The following EIF4G3 variants were observed in gnomAD, a reference collection of about 807,000 sequenced individuals.
EIF4G3 encodes eIF-4-gamma 3.
In EIF4G3, 34 loss-of-function variants were observed where a neutral mutation model predicts 186.4. That is an observed-to-expected ratio of 0.18 (90% confidence interval 0.14 to 0.24). The LOEUF (loss-of-function observed/expected upper bound fraction) is 0.24. Among genes scored for constraint, EIF4G3 ranks in the 10% least tolerant of loss-of-function variants. EIF4G3 has a pLI of 1.00. For synonymous variants in EIF4G3, 673 were observed against 679.5 expected (o/e 0.99, Z 0.15); for missense variants, 1,536 against 1,948.5 (o/e 0.79, Z 3.99).
At chr1:21,052,184 T>C (rs1484885845) in intron 3 of EIF4G3, among the ~76,000 whole-genome samples, 1 of 152,190 alleles carries the variant, frequency 6.6e-6, no homozygotes, top group Non-Finnish European at 1.5e-5. Flanking sequence ...AGGCAATAAA[T>C]TGCTCATCAG....
chr1:21,008,531 G>A (rs990958796), intron 4 of EIF4G3, among the ~76,000 whole-genome samples: 5 of 152,060 alleles, frequency 3.3e-5, no homozygotes, highest in Admixed American at 2.6e-4. Context: ...TACAGATGGG[G>A]TTTCATCATG....
intron 2 of EIF4G3, among the ~76,000 whole-genome samples, chr1:21,168,730 A>G (rs944939543): frequency 3.3e-5 from 5 of 152,122 alleles, no homozygotes; most frequent in African/African-American, 1.2e-4. Flanking sequence ...CTGGCCAAAA[A>G]AAGTACTTTT....
chr1:20,918,754 C>T (rs67142510), intron 14 of EIF4G3, among the ~76,000 whole-genome samples: 3,866 of 141,278 alleles, frequency 0.027, 76 homozygotes, highest in Non-Finnish European at 0.038. Flanking sequence ...CTATGTTGCC[C>T]AGGCTGGTCT....
intron 20 of EIF4G3, among the ~76,000 whole-genome samples, chr1:20,873,932 C>T (rs776014697): frequency 6.6e-6 from 1 of 152,050 alleles, no homozygotes; most frequent in Non-Finnish European, 1.5e-5. Flanking sequence ...TGAGTGAGAA[C>T]ATGCAGTGCT....
intron 3 of EIF4G3, among the ~76,000 whole-genome samples, chr1:21,071,320 G>A (rs138316756): frequency 1.6e-3 from 238 of 152,286 alleles, no homozygotes; most frequent in African/African-American, 5.4e-3. Flanking sequence ...GCTGAGGCAG[G>A]AAGATTGCTT....
At chr1:20,945,672 C>T (rs2095909278) in intron 13 of EIF4G3, among the ~76,000 whole-genome samples, 1 of 152,100 alleles carries the variant, frequency 6.6e-6, no homozygotes, top group South Asian at 2.1e-4. Flanking sequence ...CGCTATGTTA[C>T]TCAGCTGGTC....
intron 4 of EIF4G3, among the ~76,000 whole-genome samples, chr1:21,043,304 T>G (rs1039432981): frequency 5.3e-5 from 8 of 152,196 alleles, no homozygotes; most frequent in African/African-American, 1.9e-4. Flanking sequence ...ATCAGTTTGG[T>G]TCTTACAAAA....
intron 2 of EIF4G3, among the ~76,000 whole-genome samples, chr1:21,165,345 G>A (rs1028419734): frequency 2.6e-5 from 4 of 152,150 alleles, no homozygotes; most frequent in South Asian, 2.1e-4. Context: ...ATACTCAAGA[G>A]AAATTACAAC....
chr1:21,052,521 TAAAAC>T (rs2094283315), intron 3 of EIF4G3, among the ~76,000 whole-genome samples: 1 of 151,994 alleles, frequency 6.6e-6, no homozygotes, highest in African/African-American at 2.4e-5. Flanking sequence ...ATAAAAATAT[TAAAAC>T]AAATTCCTAG....
intron 4 of EIF4G3, among the ~76,000 whole-genome samples, chr1:21,004,086 T>A (rs2084358858): frequency 6.6e-6 from 1 of 152,216 alleles, no homozygotes; most frequent in Non-Finnish European, 1.5e-5. Flanking sequence ...TTGCTATTGC[T>A]ACGGTGTGCT....
intron 3 of EIF4G3, among the ~76,000 whole-genome samples, chr1:21,063,008 T>C (rs1450564450): frequency 6.6e-6 from 1 of 152,194 alleles, no homozygotes; most frequent in Non-Finnish European, 1.5e-5. Context: ...TCACCTACTC[T>C]GTCATCATAA....
At chr1:21,019,297 G>C (rs1225537372) in intron 4 of EIF4G3, among the ~76,000 whole-genome samples, 2 of 152,216 alleles carry the variant, frequency 1.3e-5, no homozygotes, top group African/African-American at 4.8e-5. Context: ...TTGGTTGTCA[G>C]ACGAATACAT....
At chr1:21,017,564 C>G (rs376615458) in intron 4 of EIF4G3, among the ~76,000 whole-genome samples, 101 of 134,338 alleles carry the variant, frequency 7.5e-4, no homozygotes, top group African/African-American at 2.7e-3. Context: ...GGAGGTGGAG[C>G]TTGCAGTGAG....
intron 14 of EIF4G3, among the ~76,000 whole-genome samples, chr1:20,916,592 A>T (rs868041185): frequency 6.6e-6 from 1 of 152,198 alleles, no homozygotes; most frequent in African/African-American, 2.4e-5. Flanking sequence ...GCAGGAAAAA[A>T]TATAGAAAAA....
chr1:20,845,223 C>T (rs1440529732), intron 29 of EIF4G3, among the ~76,000 whole-genome samples: 4 of 152,132 alleles, frequency 2.6e-5, no homozygotes, highest in African/African-American at 7.2e-5. Context: ...AATCCTTTCC[C>T]CATTGCTTGT....
At chr1:20,823,709 GA>G (rs752720301) in intron 33 of EIF4G3, among the ~76,000 whole-genome samples, 12 of 152,012 alleles carry the variant, frequency 7.9e-5, no homozygotes, top group Non-Finnish European at 1.8e-4. Context: ...TAACCATTTT[GA>G]CTAGTCTCTT....
intron 4 of EIF4G3, among the ~76,000 whole-genome samples, chr1:21,014,425 A>G (rs763550606): frequency 1.3e-5 from 2 of 152,102 alleles, no homozygotes; most frequent in Non-Finnish European, 2.9e-5. Context: ...CACTTGGGTA[A>G]TAAGCACAGT....
intron 7 of EIF4G3, among the ~76,000 whole-genome samples, chr1:20,995,517 G>A (rs1385249391): frequency 1.3e-5 from 2 of 151,888 alleles, no homozygotes; most frequent in Non-Finnish European, 2.9e-5. Flanking sequence ...GATTACAGGT[G>A]CCCACCACCA....
At chr1:21,051,872 C>CA (rs1182981668) in intron 3 of EIF4G3, among the ~76,000 whole-genome samples, 2 of 151,712 alleles carry the variant, frequency 1.3e-5, no homozygotes, top group African/African-American at 4.8e-5. Context: ...TCTTTAAATA[C>CA]AAAAAAATTT....
Sources: allele counts gnomAD v4.1 joint callset (sites outside exome capture counted in the v4.1 genomes callset), GRCh38; gene constraint gnomAD v4.1.1; transcripts MANE v1.5; gene names NCBI Gene and HGNC (gene_info 2026-07-23, HGNC 2026-07-21).